The following ACSM2B variants were observed in gnomAD, a reference collection of about 807,000 sequenced individuals.
ACSM2B encodes the protein acyl-CoA synthetase medium chain family member 2B.
A neutral mutation model predicts 78.6 loss-of-function variants in ACSM2B; 58 were observed. That is an observed-to-expected ratio of 0.74 (90% CI 0.60 to 0.92). The LOEUF (loss-of-function observed/expected upper bound fraction) is 0.92, where lower values mean the gene tolerates loss of function less well. Ranked by LOEUF, ACSM2B falls within the 40% of genes least tolerant of loss-of-function variation. The probability of loss-of-function intolerance (pLI) is 0.00; values close to 1 mark genes in which losing one functional copy is unlikely to be tolerated. For synonymous variants in ACSM2B, 257 were observed against 256.8 expected (o/e 1.00, Z -0.01); for missense variants, 688 against 711.2 (o/e 0.97, Z 0.37).
chr16:20,556,218 A>G (rs956973140), intron 3 of ACSM2B, among the ~76,000 whole-genome samples: 7 of 151,974 alleles, frequency 4.6e-5, no homozygotes, highest in Non-Finnish European at 8.8e-5. Context: ...CCTTGCACAG[A>G]TATATCCCAT....
intron 10 of ACSM2B, 70 bp downstream of exon 10, chr16:20,545,087 G>T: frequency 6.6e-7 from 1 of 1,510,334 alleles, no homozygotes; most frequent in Admixed American, 1.9e-5. Flanking sequence ...CAGAACATTT[G>T]TCCTCCCTCA....
intron 1 of ACSM2B, among the ~76,000 whole-genome samples, chr16:20,566,524 T>C (rs1476025028): frequency 9.1e-6 from 1 of 110,136 alleles, no homozygotes; most frequent in Non-Finnish European, 1.7e-5. Context: ...ATATTACAAA[T>C]ATGTTATATA....
chr16:20,561,120 C>G (rs1461556797), intron 2 of ACSM2B, among the ~76,000 whole-genome samples: 1 of 152,060 alleles, frequency 6.6e-6, no homozygotes, highest in Non-Finnish European at 1.5e-5. Flanking sequence ...GAAGGAAATT[C>G]TGACATATGT....
intron 11 of ACSM2B, 30 bp from the exon 12 acceptor site, chr16:20,543,043 C>A (rs750638526): frequency 1.9e-6 from 3 of 1,613,452 alleles, no homozygotes; most frequent in Non-Finnish European, 1.7e-6. Flanking sequence ...TCAGAGAACA[C>A]TGGACACCGA....
chr16:20,550,209 TG>T (rs1328092348), intron 6 of ACSM2B, among the ~76,000 whole-genome samples: 2 of 152,076 alleles, frequency 1.3e-5, no homozygotes, highest in African/African-American at 4.8e-5. Flanking sequence ...TCATGAGTTT[TG>T]GGGGGCACAA....
At chr16:20,556,511 A>G (rs1382096609) in intron 3 of ACSM2B, among the ~76,000 whole-genome samples, 2 of 152,222 alleles carry the variant, frequency 1.3e-5, no homozygotes, top group Non-Finnish European at 2.9e-5. Context: ...CTGACGCAGG[A>G]GGATTGCTTG....
intron 1 of ACSM2B, among the ~76,000 whole-genome samples, chr16:20,566,663 T>G (rs2015865841): frequency 4.7e-5 from 2 of 42,818 alleles, no homozygotes; most frequent in African/African-American, 3.6e-4. Flanking sequence ...TATATATGTA[T>G]ATATAGTATA....
chr16:20,564,684 C>G lies in ACSM2B; in HGVS notation c.162G>C (p.Trp54Cys), dbSNP rs750929907. 1 of 1,613,534 alleles carries G rather than the reference C, an allele frequency of 6.2e-7. No individual in the cohort carries two copies. Among genetic ancestry groups the G allele is most frequent in the Admixed American group, 1.7e-5 (1 of 59,894 alleles). ...FNFASDVLDH[W>C]ADMEKAGKRL... is the part of the protein sequence containing the mutation. ...ATCCCATTACCTTCTCCATGTCAGC[C>G]CAGTGATCCAACACATCACTAGCAA... is the stretch of plus-strand genomic sequence containing the variant. The change falls in exon 2 of 14, where the codon TGG (tryptophan) becomes TGC (cysteine). Residue 54 changes from tryptophan to cysteine, a missense_variant. By Grantham distance (215) the Trp-to-Cys change is radical. Transcript: ENST00000329697.
chr16:20,545,018 C>A (rs1413452133), intron 10 of ACSM2B, 139 bp downstream of exon 10: 1 of 1,217,826 alleles, frequency 8.2e-7, no homozygotes. Context: ...ACTGGCAAAG[C>A]ATACATTCTT....
chr16:20,561,286 T>A (rs1265825367), intron 2 of ACSM2B, among the ~76,000 whole-genome samples: 3 of 151,634 alleles, frequency 2.0e-5, no homozygotes, highest in African/African-American at 7.3e-5. Flanking sequence ...AGAAAAAAGT[T>A]TAATTGGCTC....
At chr16:20,556,916 G>T (rs1013490922) in intron 3 of ACSM2B, among the ~76,000 whole-genome samples, 5 of 152,020 alleles carry the variant, frequency 3.3e-5, no homozygotes, top group Non-Finnish European at 7.4e-5. Context: ...CCAAGTTCCT[G>T]CAATTGGTTT....
chr16:20,570,826 T>C (rs1344103709), intron 1 of ACSM2B, among the ~76,000 whole-genome samples: 2 of 151,960 alleles, frequency 1.3e-5, no homozygotes, highest in South Asian at 2.1e-4. Flanking sequence ...CAAGAATTTA[T>C]CCATCTCCTC....
At position 20,564,810 on chromosome 16, in the gene ACSM2B, G is replaced by T. The variant is rs1480284248; in HGVS notation, c.36C>A (p.Thr12=). The T allele has an allele frequency of 8.7e-6, 14 of 1,612,312 alleles. No individual in the cohort carries two copies. Among genetic ancestry groups the T allele is most frequent in the Non-Finnish European group, 1.1e-5 (13 of 1,178,990 alleles). The change falls in exon 2 of 14, where the codon ACC becomes ACA. Residue 12 remains threonine, a synonymous_variant. Transcript: ENST00000329697. ...HWLRKVQGLC[T]LWGTQMSSRT... ...GGCTGGACATCTGAGTACCCCACAG[G>T]GTGCAAAGTCCCTGAACTTTTCGCA...
intron 10 of ACSM2B, chr16:20,544,501 T>C: frequency 1.2e-6 from 1 of 835,798 alleles, no homozygotes; most frequent in South Asian, 5.4e-5. Context: ...CCTCATGGTA[T>C]GCATTCAATA....
chr16:20,540,571 GTCC>G, intron 13 of ACSM2B, 80 bp downstream of exon 13: 3 of 1,574,116 alleles, frequency 1.9e-6, no homozygotes, highest in African/African-American at 1.4e-5. Flanking sequence ...TTAGAAGGCT[GTCC>G]TCCTCCTGAA....
intron 5 of ACSM2B, 44 bp downstream of exon 5, chr16:20,553,733 G>T: frequency 3.8e-6 from 6 of 1,596,290 alleles, no homozygotes; most frequent in Non-Finnish European, 5.1e-6. Flanking sequence ...ACGTCTTCAT[G>T]CCTGGTCATG....
intron 6 of ACSM2B, chr16:20,549,701 T>G (rs1262831202): frequency 2.4e-6 from 1 of 425,082 alleles, no homozygotes; most frequent in African/African-American, 2.1e-5. Context: ...GTGCCCAAGG[T>G]GGTCAGGGTG....
intron 3 of ACSM2B, among the ~76,000 whole-genome samples, 164 bp from the exon 4 acceptor site, chr16:20,555,640 A>C (rs2015451638): frequency 6.6e-6 from 1 of 152,126 alleles, no homozygotes. Flanking sequence ...CTAGGGAGTG[A>C]ATGAAACCTA....
intron 9 of ACSM2B, 69 bp downstream of exon 9, chr16:20,546,325 T>C: frequency 1.3e-6 from 2 of 1,550,364 alleles, no homozygotes; most frequent in Middle Eastern, 1.7e-4. Context: ...CAATAAACAA[T>C]GGAAAACATA....
Sources: gnomAD v4.1 joint callset for allele counts (sites outside exome capture counted in the v4.1 genomes callset) on GRCh38, gnomAD v4.1.1 for gene constraint, MANE v1.5 for transcripts, NCBI Gene and HGNC (gene_info 2026-07-23, HGNC 2026-07-21) for gene names.